The following SPTBN4 variants were observed in gnomAD, a reference collection of about 807,000 sequenced individuals.
SPTBN4 encodes spectrin beta, non-erythrocytic 4.
In SPTBN4, 96 loss-of-function variants were observed where a neutral mutation model predicts 277.8. The observed-to-expected ratio is 0.35, with a 90% CI of 0.29 to 0.41. SPTBN4 has a LOEUF of 0.41. Among genes scored for constraint, SPTBN4 ranks in the 10% least tolerant of loss-of-function variants. The pLI is 1.00. For missense variants in SPTBN4, 3,006 were observed against 3,595.7 expected, an observed-to-expected ratio of 0.84 and a Z score of 4.19; for synonymous variants, 1,481 against 1,580.3, an observed-to-expected ratio of 0.94 and a Z score of 1.49.
chr19:40,522,664 A>C (rs1184645624), intron 16 of SPTBN4, among the ~76,000 whole-genome samples: 2 of 151,992 alleles, frequency 1.3e-5, no homozygotes, highest in Non-Finnish European at 2.9e-5. Flanking sequence ...ATATTAACCA[A>C]ATATTTACTG....
chr19:40,555,245 G>A (rs2080963996), intron 24 of SPTBN4: 1 of 152,274 alleles, frequency 6.6e-6, no homozygotes, highest in Non-Finnish European at 1.5e-5. Flanking sequence ...GATAGAAACC[G>A]GGTGAGGCTG....
In SPTBN4 at chr19:40,490,039, C is replaced by CA. The variant is rs1568768532; in HGVS notation, c.322-35dup. ...CGAGGGCGCCATACTCCTGTCTGTCCAGACCCCCGATCGCCCACCGCCCCT... is the reference window on the plus strand; with the variant it reads ...CGAGGGCGCCATACTCCTGTCTGTCCAAGACCCCCGATCGCCCACCGCCCCT... On this transcript the variant is annotated intron_variant, in intron 3 of 35. Coordinates refer to ENST00000598249, the MANE Select transcript of SPTBN4 (RefSeq NM_020971.3). The surrounding 1 kb of genome is among the most constrained non-coding windows in gnomAD (Gnocchi z 4.3). 6.4e-7 allele frequency: 1 copy of CA among 1,563,576 alleles called. No individual in the cohort carries two copies. Among genetic ancestry groups the CA allele is most frequent in the African/African-American group, 1.4e-5 (1 of 73,740 alleles).
chr19:40,494,538 TTATG>T (rs752709600), intron 5 of SPTBN4, among the ~76,000 whole-genome samples: 110 of 148,446 alleles, frequency 7.4e-4, no homozygotes, highest in Non-Finnish European at 1.1e-3. Context: ...CCTATATCTA[TTATG>T]TATGTATGTA....
In SPTBN4 at chr19:40,520,130, G is replaced by A. The variant is rs747589603; in HGVS notation, c.3633G>A (p.Ala1211=). The A allele has an allele frequency of 1.1e-5, 16 of 1,448,458 alleles. No individual in the cohort carries two copies. The highest frequency in any genetic ancestry group is 1.9e-4 in the Middle Eastern group (1 of 5,358). The allele number at this position is 1,448,458 out of a possible 1,614,324, so 89.7% of individuals were successfully genotyped here. A position where few individuals can be genotyped will look rare whatever the true frequency, so the allele number is the denominator to read the frequency against. ...YQLFLRDLRQ[A]LVVLRNQEMA... ...TCTTCCTGCGGGATCTACGCCAGGC[G>A]CTCGTGGTGCTGCGTAACCAGGTGC... The change falls in exon 16 of 36, where the codon GCG becomes GCA. Residue 1211 remains alanine, a synonymous_variant. Coordinates refer to ENST00000598249, the MANE Select transcript of SPTBN4 (RefSeq NM_020971.3).
Position 40,504,064 on chromosome 19 carries a change from C to T in SPTBN4, c.1597C>T (p.Gln533Ter), listed in dbSNP as rs1114167445. 1 of 1,610,124 alleles carries T rather than the reference C, an allele frequency of 6.2e-7. No homozygotes were observed. The highest frequency in any genetic ancestry group is 1.7e-5 in the Admixed American group (1 of 59,628). Residue 533 changes from glutamine (Q) to a stop codon, truncating the protein, a stop_gained, in exon 12 of 36, where the codon CAG (glutamine) becomes TAG (stop). Transcript: ENST00000598249. LOFTEE classifies it high-confidence loss of function. Reference protein sequence around the residue: ...LVGARRTRLEQNLALQKVFQE... With the variant: ...LVGARRTRLE ...GGGTGCCCGGCGGACACGACTTGAG[C>T]AGAACCTTGCCCTGCAGAAGGTCTT...
chr19:40,565,391 T>G (rs373889476), intron 27 of SPTBN4, 32 bp from the exon 28 acceptor site: 5 of 1,595,118 alleles, frequency 3.1e-6, no homozygotes, highest in Admixed American at 1.7e-5. Flanking sequence ...AGGCTCCCTG[T>G]GGCTCAGATC....
chr19:40,493,123 A>G, intron 5 of SPTBN4, 69 bp downstream of exon 5: 1 of 1,468,874 alleles, frequency 6.8e-7, no homozygotes, highest in Non-Finnish European at 9.5e-7. Flanking sequence ...ATTCCTTCCC[A>G]GACAAGAGCT....
At chr19:40,552,954 A>G (rs1024598561) in intron 22 of SPTBN4, among the ~76,000 whole-genome samples, 3 of 152,200 alleles carry the variant, frequency 2.0e-5, no homozygotes, top group African/African-American at 2.4e-5. Context: ...CAAGTGCTCC[A>G]TAGTTTATCA....
At chr19:40,499,594 G>A (rs919601837) in intron 7 of SPTBN4, among the ~76,000 whole-genome samples, 4 of 149,658 alleles carry the variant, frequency 2.7e-5, no homozygotes, top group Non-Finnish European at 4.5e-5. Context: ...GTGGGGTCTC[G>A]CTATGTTGCC....
In SPTBN4 at chr19:40,523,472, A is replaced by C. The variant is rs745576299; in HGVS notation, c.3690A>C (p.Thr1230=). Residue 1230 remains threonine, a synonymous_variant, in exon 17 of 36, where the codon ACA becomes ACC. Coordinates refer to ENST00000598249, the MANE Select transcript of SPTBN4 (RefSeq NM_020971.3). ...MALSGAELPG[T]VESVEEALKQ... ...TGTCTGGTGCGGAGCTCCCGGGCAC[A>C]GTGGAATCGGTGGAGGAGGCCTTGA... The C allele has an allele frequency of 1.2e-6, 2 of 1,612,436 alleles. No homozygotes were observed. Among genetic ancestry groups the C allele is most frequent in the Non-Finnish European group, 1.7e-6 (2 of 1,179,322 alleles).
intron 20 of SPTBN4, among the ~76,000 whole-genome samples, chr19:40,544,972 T>C (rs938560709): frequency 2.6e-5 from 4 of 151,994 alleles, no homozygotes; most frequent in Non-Finnish European, 4.4e-5. Flanking sequence ...TAACCATTTC[T>C]CTCTTGATGG....
intron 21 of SPTBN4, among the ~76,000 whole-genome samples, chr19:40,549,816 C>G (rs2080897894): frequency 6.6e-6 from 1 of 152,216 alleles, no homozygotes; most frequent in Non-Finnish European, 1.5e-5. Context: ...AAGGCAGACC[C>G]CATTGTGCCC....
intron 13 of SPTBN4, among the ~76,000 whole-genome samples, chr19:40,508,143 G>A (rs1298183155): frequency 6.6e-6 from 1 of 152,224 alleles, no homozygotes; most frequent in East Asian, 1.9e-4. Context: ...CTACCCCAGG[G>A]CCAGGAGTGG....
intron 18 of SPTBN4, chr19:40,530,484 C>T: frequency 1.0e-6 from 1 of 978,894 alleles, no homozygotes; most frequent in Non-Finnish European, 1.2e-6. Flanking sequence ...GGCGCGCGGC[C>T]GCCGGAGCCT....
intron 15 of SPTBN4, among the ~76,000 whole-genome samples, chr19:40,516,200 T>C (rs1290314653): frequency 2.1e-5 from 3 of 145,562 alleles, no homozygotes; most frequent in Non-Finnish European, 4.5e-5. Context: ...ATTGTGCCAC[T>C]GCACTCCAGC....
chr19:40,563,222 T>A (rs2081060811), intron 27 of SPTBN4, among the ~76,000 whole-genome samples: 1 of 149,968 alleles, frequency 6.7e-6, no homozygotes, highest in Admixed American at 6.7e-5. Flanking sequence ...AAAAAAAAAT[T>A]TTTTTTTTTT....
intron 6 of SPTBN4, among the ~76,000 whole-genome samples, chr19:40,495,381 A>G (rs1457807680): frequency 6.6e-6 from 1 of 152,086 alleles, no homozygotes. Flanking sequence ...AGTGGCTCAC[A>G]CTTGTAATCC....
chr19:40,554,835 G>A lies in SPTBN4; in HGVS notation c.5084+189G>A, dbSNP rs1314244816. ...ACACGGCTCAGGGATGGTTGAGAGG[G>A]TGGGGCCAGGAGCACCTGGATTTGA... On this transcript the variant is annotated intron_variant, in intron 24 of 35. Transcript: ENST00000598249. This position sits in a 1 kb window ranked among gnomAD's most constrained non-coding sequence, Gnocchi z 5.7. The A allele has an allele frequency of 2.5e-6, 2 of 807,170 alleles. No individual in the cohort carries two copies. Among genetic ancestry groups the A allele is most frequent in the South Asian group, 1.7e-5 (1 of 57,534 alleles). 50.0% of individuals were successfully genotyped at this position (807,170 alleles called of 1,614,324 possible). A position where few individuals can be genotyped will look rare whatever the true frequency, so the allele number is the denominator to read the frequency against.
rs2080552192 is a variant in SPTBN4, at chr19:40,523,451, T to C, written c.3669T>C (p.Ser1223=). The stretch of plus-strand genomic sequence containing the variant: ...CTCCTCCCCAGGAGATGGCGCTGTC[T>C]GGTGCGGAGCTCCCGGGCACAGTGG... ...VVLRNQEMAL[S]GAELPGTVES... is the part of the protein sequence containing the mutation. Residue 1223 remains serine, a synonymous_variant, in exon 17 of 36, where the codon TCT becomes TCC. Transcript: ENST00000598249. 5 of 1,607,854 alleles carry C rather than the reference T, an allele frequency of 3.1e-6. No homozygotes were observed. Among genetic ancestry groups the C allele is most frequent in the South Asian group, 2.2e-5 (2 of 89,966 alleles).
Sources: allele counts gnomAD v4.1 joint callset (sites outside exome capture counted in the v4.1 genomes callset), GRCh38; gene constraint gnomAD v4.1.1; non-coding constraint Gnocchi (gnomAD v3.1); transcripts MANE v1.5; gene names NCBI Gene and HGNC (gene_info 2026-07-23, HGNC 2026-07-21).